The following PROSER1 variants were observed in gnomAD, a reference collection of about 807,000 sequenced individuals.
PROSER1 encodes the protein proline and serine-rich protein 1.
PROSER1 carries 36 observed loss-of-function variants against 71.8 expected under a neutral mutation model. The ratio of observed to expected loss-of-function variants is 0.50; its 90% CI spans 0.38 to 0.66. PROSER1 has a LOEUF of 0.66. PROSER1 is among the 30% of genes least tolerant of loss of function. The pLI is 0.00. For missense variants in PROSER1, 1,107 were observed against 1,135.0 expected (o/e 0.98, Z 0.35); for synonymous variants, 490 against 452.4 (o/e 1.08, Z -1.06).
At chr13:39,019,539 A>G (rs998543244) in intron 9 of PROSER1, among the ~76,000 whole-genome samples, 1 of 146,238 alleles carries the variant, frequency 6.8e-6, no homozygotes, top group Non-Finnish European at 1.5e-5. Flanking sequence ...AAAAAAAAAA[A>G]AGGGAGAGAA....
intron 9 of PROSER1, among the ~76,000 whole-genome samples, chr13:39,019,901 A>G (rs530601768): frequency 1.5e-4 from 23 of 152,150 alleles, no homozygotes; most frequent in Middle Eastern, 6.8e-3. Context: ...TACCAAATAA[A>G]ATCATAGGGG....
chr13:39,029,863 C>A (rs1341714871), intron 3 of PROSER1, among the ~76,000 whole-genome samples: 1 of 152,112 alleles, frequency 6.6e-6, no homozygotes, highest in Non-Finnish European at 1.5e-5. Flanking sequence ...CTGGGTTAAA[C>A]AGGTTTCTCT....
At position 39,014,482 on chromosome 13, in the gene PROSER1, T is replaced by C. The variant is rs370033596; in HGVS notation, c.776-6A>G. 8.4e-5 allele frequency: 133 copies of C among 1,585,254 alleles called. 1 individual carries two copies. Among genetic ancestry groups the C allele is most frequent in the Non-Finnish European group, 1.1e-4 (126 of 1,161,982 alleles). On this transcript the variant is annotated splice_polypyrimidine_tract_variant and splice_region_variant and intron_variant, in intron 10 of 12. Coordinates refer to ENST00000352251, the MANE Select transcript of PROSER1 (RefSeq NM_025138.5). Reference sequence around the variant, plus strand: ...ACTTGCTGGGGTGGAAAATGCTATATGGAAGGGGGAAAAAAGGCAAGAATG... The same window carrying C: ...ACTTGCTGGGGTGGAAAATGCTATACGGAAGGGGGAAAAAAGGCAAGAATG...
At chr13:39,020,078 T>TA (rs34446921) in intron 9 of PROSER1, among the ~76,000 whole-genome samples, 20,862 of 137,484 alleles carry the variant, frequency 0.15, 1,717 homozygotes, top group South Asian at 0.27. Flanking sequence ...TCAAGAGACT[T>TA]AAAAAAAAAA....
At chr13:39,020,726 GC>G (rs910679946) in intron 9 of PROSER1, among the ~76,000 whole-genome samples, 1 of 152,162 alleles carries the variant, frequency 6.6e-6, no homozygotes, top group Non-Finnish European at 1.5e-5. Flanking sequence ...AGAAACTGTA[GC>G]CTCATATACT....
intron 6 of PROSER1, among the ~76,000 whole-genome samples, chr13:39,025,153 G>A (rs1406630306): frequency 6.6e-6 from 1 of 152,118 alleles, no homozygotes; most frequent in Non-Finnish European, 1.5e-5. Context: ...CTATGTTACA[G>A]TTGAAAGTAG....
chr13:39,023,507 G>GC (rs1279561982), intron 7 of PROSER1: 2 of 165,280 alleles, frequency 1.2e-5, no homozygotes, highest in African/African-American at 4.8e-5. Context: ...CTCAAATTAC[G>GC]CAAGAACTCC....
intron 2 of PROSER1, among the ~76,000 whole-genome samples, chr13:39,032,876 A>C (rs1870915327): frequency 6.6e-6 from 1 of 152,204 alleles, no homozygotes. Flanking sequence ...CCAAGAAAAA[A>C]AATGCTATTA....
Position 39,013,705 on chromosome 13 carries a change from T to C in PROSER1, c.1547A>G (p.Asn516Ser), listed in dbSNP as rs748164716. 4.3e-6 allele frequency: 7 copies of C among 1,613,952 alleles called. No individual in the cohort carries two copies. Among genetic ancestry groups the C allele is most frequent in the African/African-American group, 1.3e-5 (1 of 74,864 alleles). Residue 516 changes from asparagine to serine, a missense_variant, in exon 11 of 13, where the codon AAC (asparagine) becomes AGC (serine). Asn to Ser is a conservative substitution (Grantham distance 46, BLOSUM62 1). Transcript: ENST00000352251. Reference sequence around the variant, plus strand: ...GATGGCTGATGGGGCATAGCACTTGTTAGGGGCTGAAGCAGAAGAGTCAGA... The same window carrying C: ...GATGGCTGATGGGGCATAGCACTTGCTAGGGGCTGAAGCAGAAGAGTCAGA... ...QNSDSSASAPNKCYAPSAIPT... is the reference protein window; with the variant it reads ...QNSDSSASAPSKCYAPSAIPT...
chr13:39,028,365 A>G (rs1409815719), intron 4 of PROSER1, 45 bp from the exon 5 acceptor site: 3 of 1,177,618 alleles, frequency 2.5e-6, no homozygotes, highest in East Asian at 2.4e-5. Flanking sequence ...AAATCTGAAC[A>G]TACATCGAGG....
chr13:39,026,526 C>A, intron 5 of PROSER1, 139 bp from the exon 6 acceptor site: 1 of 520,676 alleles, frequency 1.9e-6, no homozygotes, highest in Non-Finnish European at 3.4e-6. Flanking sequence ...TCAGCACTTA[C>A]AGTGGTGAAT....
At chr13:39,017,798 CA>C in intron 9 of PROSER1, 1 of 360,734 alleles carries the variant, frequency 2.8e-6, no homozygotes, top group South Asian at 3.7e-5. Flanking sequence ...TATCCCCTAG[CA>C]TCTCTACCTT....
At position 39,012,165 on chromosome 13, in the gene PROSER1, G is replaced by A; in HGVS notation, c.2630C>T (p.Pro877Leu). Residue 877 changes from proline to leucine, a missense_variant, in exon 12 of 13, where the codon CCT becomes CTT. Pro to Leu is a moderately conservative substitution (Grantham distance 98, BLOSUM62 -3). Coordinates refer to ENST00000352251, the MANE Select transcript of PROSER1 (RefSeq NM_025138.5). ...FPGLLSLPGI[P>L]GFPQNPSQSS... Reference sequence around the variant, plus strand: ...TTGTGAAGGATTCTGAGGAAACCCAGGGATACCCGGGAGGGACAAAAGGCC... The same window carrying A: ...TTGTGAAGGATTCTGAGGAAACCCAAGGATACCCGGGAGGGACAAAAGGCC... The A allele has an allele frequency of 6.2e-7, 1 of 1,614,154 alleles. No individual in the cohort carries two copies. The highest frequency in any genetic ancestry group is 8.5e-7 in the Non-Finnish European group (1 of 1,179,994).
chr13:39,029,024 G>C (rs1430750110), intron 4 of PROSER1: 1 of 272,750 alleles, frequency 3.7e-6, no homozygotes, highest in African/African-American at 2.2e-5. Context: ...TGTCTTTTCA[G>C]AGTAGGAAGG....
chr13:39,029,061 A>C (rs1375665302), intron 4 of PROSER1: 2 of 348,304 alleles, frequency 5.7e-6, no homozygotes, highest in Non-Finnish European at 1.0e-5. Flanking sequence ...AATACAAAAA[A>C]TCAAATTAAA....
intron 2 of PROSER1, among the ~76,000 whole-genome samples, chr13:39,032,151 T>C (rs1331243219): frequency 3.3e-5 from 5 of 152,210 alleles, no homozygotes; most frequent in Admixed American, 3.3e-4. Context: ...TGTTTTAGTG[T>C]AGGTCCACTA....
At chr13:39,015,186 C>T (rs1869953162) in intron 10 of PROSER1, among the ~76,000 whole-genome samples, 3 of 152,148 alleles carry the variant, frequency 2.0e-5, no homozygotes, top group Non-Finnish European at 2.9e-5. Context: ...TCATAATTAC[C>T]TCAAACTACA....
At chr13:39,014,577 C>A in intron 10 of PROSER1, 101 bp from the exon 11 acceptor site, 1 of 846,850 alleles carries the variant, frequency 1.2e-6, no homozygotes, top group Non-Finnish European at 1.8e-6. Flanking sequence ...TAACAAATAC[C>A]AAATAAAAAA....
At chr13:39,028,195 T>C in intron 5 of PROSER1, 32 bp downstream of exon 5, 1 of 1,203,386 alleles carries the variant, frequency 8.3e-7, no homozygotes, top group Non-Finnish European at 1.2e-6. Flanking sequence ...AAAACCAGCG[T>C]ACCAAGTACA....
Sources: gnomAD v4.1 joint callset for allele counts (sites outside exome capture counted in the v4.1 genomes callset) on GRCh38, gnomAD v4.1.1 for gene constraint, MANE v1.5 for transcripts, NCBI Gene and HGNC (gene_info 2026-07-23, HGNC 2026-07-21) for gene names.